ANKH: variants seen among roughly 807,000 people sequenced by gnomAD.
The protein encoded by ANKH is ANKH inorganic pyrophosphate transport regulator.
ANKH carries 15 observed loss-of-function variants against 49.0 expected under a neutral mutation model. The ratio of observed to expected loss-of-function variants is 0.31; its 90% CI spans 0.20 to 0.47. The LOEUF is 0.47. Among genes scored for constraint, ANKH ranks in the 20% least tolerant of loss-of-function variants. The pLI, the probability that ANKH is intolerant of heterozygous loss-of-function variation, is 1.00. For missense variants in ANKH, 429 were observed against 652.0 expected, an observed-to-expected ratio of 0.66 and a Z score of 3.72; for synonymous variants, 273 against 260.0, an observed-to-expected ratio of 1.05 and a Z score of -0.48.
chr5:14,747,692 C>T (rs72732801), intron 6 of ANKH, among the ~76,000 whole-genome samples: 19,095 of 152,240 alleles, frequency 0.13, 1,573 homozygotes, highest in Non-Finnish European at 0.18. Context: ...AGGAGGAGAA[C>T]GAGCTTCATC....
At chr5:14,846,731 C>T (rs1475484539) in intron 1 of ANKH, among the ~76,000 whole-genome samples, 1 of 152,156 alleles carries the variant, frequency 6.6e-6, no homozygotes, top group African/African-American at 2.4e-5. Flanking sequence ...GTGGCTCACG[C>T]CTGTAATCCC....
chr5:14,838,120 G>C (rs575185130), intron 1 of ANKH, among the ~76,000 whole-genome samples: 1 of 152,262 alleles, frequency 6.6e-6, no homozygotes, highest in Middle Eastern at 3.4e-3. Flanking sequence ...ACGTGGGGTG[G>C]GGGAAGGGCG....
At chr5:14,774,816 T>C (rs995517957) in intron 1 of ANKH, among the ~76,000 whole-genome samples, 1 of 152,012 alleles carries the variant, frequency 6.6e-6, no homozygotes, top group African/African-American at 2.4e-5. Context: ...ACCTACAACA[T>C]GGGGGGTGGT....
At chr5:14,848,883 G>C (rs890044386) in intron 1 of ANKH, among the ~76,000 whole-genome samples, 3 of 152,150 alleles carry the variant, frequency 2.0e-5, no homozygotes, top group Non-Finnish European at 4.4e-5. Context: ...AAGACCCACC[G>C]GTAACAGCAA....
At chr5:14,819,871 TAAC>T (rs199545884) in intron 1 of ANKH, among the ~76,000 whole-genome samples, 64 of 145,864 alleles carry the variant, frequency 4.4e-4, no homozygotes, top group Admixed American at 9.1e-4. Context: ...GTCTCAACAA[TAAC>T]AACAACAACA....
At position 14,745,326 on chromosome 5, in the gene ANKH, G is replaced by T. The variant is rs1385462386; in HGVS notation, c.915+544C>A. 6.6e-6 allele frequency among the ~76,000 whole-genome samples: 1 copy of T among 152,194 alleles called. No individual in the cohort carries two copies. The highest frequency in any genetic ancestry group is 1.5e-5 in the Non-Finnish European group (1 of 68,024). On this transcript the variant is annotated intron_variant, in intron 7 of 11. Coordinates refer to ENST00000284268, the MANE Select transcript of ANKH (RefSeq NM_054027.6). The surrounding 1 kb of genome is among the most constrained non-coding windows in gnomAD (Gnocchi z 4.7). ...TGGGTCACAAGTTACAGGGCAGAAG[G>T]GTTATGTGACTCCCATGGCTGGGGA...
chr5:14,712,923 C>T lies in ANKH; in HGVS notation c.1316G>A (p.Gly439Glu). ...AGCGATGGCGACCATGGTGGATTCT[C>T]CCACAAAGCCCGCCAGGAGGGAGCC... is the stretch of plus-strand genomic sequence containing the variant. ...GVGSLLAGFV[G>E]ESTMVAIAAC... The change falls in exon 11 of 12, where the codon GGA (glycine) becomes GAA (glutamate). Residue 439 changes from glycine to glutamate, a missense_variant. Coordinates refer to ENST00000284268, the MANE Select transcript of ANKH (RefSeq NM_054027.6). 1.2e-6 allele frequency: 2 copies of T among 1,613,610 alleles called. No individual in the cohort carries two copies. Among genetic ancestry groups the T allele is most frequent in the Non-Finnish European group, 1.7e-6 (2 of 1,179,892 alleles).
chr5:14,782,885 G>A lies in ANKH; in HGVS notation c.97-13694C>T, dbSNP rs143491471. 2.0e-4 allele frequency among the ~76,000 whole-genome samples: 31 copies of A among 152,306 alleles called. 1 individual carries two copies. The highest frequency in any genetic ancestry group is 7.5e-4 in the African/African-American group (31 of 41,566). ...GTCACCAGTGCAGTGGGGATGCCAA[G>A]TGAACCTCTATAGCGGCCTACTGAA... On this transcript the variant is annotated intron_variant, in intron 1 of 11. Transcript: ENST00000284268.
At chr5:14,838,482 A>G (rs772348515) in intron 1 of ANKH, among the ~76,000 whole-genome samples, 22 of 152,036 alleles carry the variant, frequency 1.4e-4, no homozygotes, top group Non-Finnish European at 3.2e-4. Context: ...GTGCTCTCCA[A>G]CTCCAGAAAA....
chr5:14,802,847 C>T (rs1418124933), intron 1 of ANKH, among the ~76,000 whole-genome samples: 1 of 152,190 alleles, frequency 6.6e-6, no homozygotes, highest in Non-Finnish European at 1.5e-5. Flanking sequence ...AGCTGCCCAT[C>T]ATGATCCAAT....
At chr5:14,735,697 C>T (rs1182978553) in intron 8 of ANKH, among the ~76,000 whole-genome samples, 2 of 152,154 alleles carry the variant, frequency 1.3e-5, no homozygotes, top group Non-Finnish European at 1.5e-5. Context: ...AAACTCCAGC[C>T]TACATGTGGT....
intron 1 of ANKH, among the ~76,000 whole-genome samples, chr5:14,858,748 AATAAATAAAT>A (rs752061140): frequency 5.8e-5 from 5 of 85,726 alleles, no homozygotes; most frequent in Non-Finnish European, 9.9e-5. Flanking sequence ...TAAATAAATA[AATAAATAAAT>A]AAAATAAAAT....
Position 14,830,657 on chromosome 5 carries a change from G to A in ANKH, c.96+40695C>T, listed in dbSNP as rs554168641. ...AATAACAGCAAGTCCGACTAAGATA[G>A]CACGGAGCTGCTTGAGAGCTCCAGG... On this transcript the variant is annotated intron_variant, in intron 1 of 11. Transcript: ENST00000284268. 1.9e-3 allele frequency among the ~76,000 whole-genome samples: 287 copies of A among 152,248 alleles called. 1 individual carries two copies. The highest frequency in any genetic ancestry group is 3.4e-3 in the Middle Eastern group (1 of 294).
chr5:14,730,832 G>A (rs1737975322), intron 8 of ANKH, among the ~76,000 whole-genome samples: 1 of 152,226 alleles, frequency 6.6e-6, no homozygotes, highest in Admixed American at 6.5e-5. Flanking sequence ...AAGAAGAGGT[G>A]GCCAGAGCCC....
At chr5:14,840,675 G>A (rs563993371) in intron 1 of ANKH, among the ~76,000 whole-genome samples, 11 of 152,256 alleles carry the variant, frequency 7.2e-5, no homozygotes, top group South Asian at 6.2e-4. Context: ...CTGATTTAGC[G>A]AGTATTATTA....
At chr5:14,845,843 C>CTTT (rs59264153) in intron 1 of ANKH, among the ~76,000 whole-genome samples, 1,783 of 82,500 alleles carry the variant, frequency 0.022, 250 homozygotes, top group Non-Finnish European at 0.028. Flanking sequence ...CCTATGCACA[C>CTTT]TTTTTTTTTT....
At chr5:14,785,568 C>T (rs1190314505) in intron 1 of ANKH, among the ~76,000 whole-genome samples, 1 of 152,166 alleles carries the variant, frequency 6.6e-6, no homozygotes, top group Non-Finnish European at 1.5e-5. Flanking sequence ...AATTAAACCT[C>T]ACCTCTTCTC....
At chr5:14,786,144 T>C (rs988741098) in intron 1 of ANKH, among the ~76,000 whole-genome samples, 1 of 152,096 alleles carries the variant, frequency 6.6e-6, no homozygotes, top group Non-Finnish European at 1.5e-5. Flanking sequence ...TCTTGGGTCT[T>C]ATTAGACTGA....
intron 1 of ANKH, among the ~76,000 whole-genome samples, chr5:14,799,728 ACTG>A (rs1740504941): frequency 6.6e-6 from 1 of 152,182 alleles, no homozygotes; most frequent in African/African-American, 2.4e-5. Flanking sequence ...TTCAAATATT[ACTG>A]CTCATTGACA....
Sources: allele counts gnomAD v4.1 joint callset (sites outside exome capture counted in the v4.1 genomes callset), GRCh38; gene constraint gnomAD v4.1.1; non-coding constraint Gnocchi (gnomAD v3.1); transcripts MANE v1.5; gene names NCBI Gene and HGNC (gene_info 2026-07-23, HGNC 2026-07-21).